ICA1L: variants seen among roughly 807,000 people sequenced by gnomAD.
ICA1L encodes the protein islet cell autoantigen 1-like protein.
In ICA1L, 50 loss-of-function variants were observed where a neutral mutation model predicts 61.3. The observed-to-expected ratio is 0.82, with a 90% CI of 0.65 to 1.03. The LOEUF (loss-of-function observed/expected upper bound fraction) is 1.03, where lower values mean the gene tolerates loss of function less well. Ranked by LOEUF, ICA1L falls within the 50% of genes least tolerant of loss-of-function variation. ICA1L has a pLI of 0.00. For synonymous variants in ICA1L, 161 were observed against 191.3 expected (o/e 0.84, Z 1.31); for missense variants, 508 against 556.7 (o/e 0.91, Z 0.88).
intron 10 of ICA1L, among the ~76,000 whole-genome samples, chr2:202,794,899 GT>G (rs1298492039): frequency 1.5e-4 from 22 of 151,536 alleles, no homozygotes; most frequent in African/African-American, 5.3e-4. Flanking sequence ...CAACCTGTCA[GT>G]TTTCACATTT....
chr2:202,801,058 T>G (rs1258878238), intron 9 of ICA1L, among the ~76,000 whole-genome samples: 1 of 152,170 alleles, frequency 6.6e-6, no homozygotes, highest in Non-Finnish European at 1.5e-5. Flanking sequence ...TGGAAAAGAT[T>G]TCAGAGGTGG....
chr2:202,863,209 T>G (rs929526777), intron 1 of ICA1L, among the ~76,000 whole-genome samples: 1 of 151,338 alleles, frequency 6.6e-6, no homozygotes, highest in Non-Finnish European at 1.5e-5. Context: ...GGAGAATCAG[T>G]TGAACCCGGG....
At chr2:202,802,128 A>G (rs1374833171) in intron 9 of ICA1L, among the ~76,000 whole-genome samples, 1 of 152,230 alleles carries the variant, frequency 6.6e-6, no homozygotes, top group East Asian at 1.9e-4. Flanking sequence ...GCAAATTAAT[A>G]AAACAACAAA....
chr2:202,786,752 AT>A (rs57934594), intron 11 of ICA1L: 14,418 of 407,912 alleles, frequency 0.035, 2 homozygotes, highest in East Asian at 0.089. Flanking sequence ...TACATGCATG[AT>A]TTTTTTTTTT....
At chr2:202,785,127 G>A (rs1692538358) in intron 12 of ICA1L, among the ~76,000 whole-genome samples, 2 of 151,598 alleles carry the variant, frequency 1.3e-5, no homozygotes, top group Non-Finnish European at 2.9e-5. Context: ...GCTGAGGCAG[G>A]AGAATCGCTT....
chr2:202,843,574 G>T (rs1694385167), intron 1 of ICA1L, among the ~76,000 whole-genome samples: 1 of 152,222 alleles, frequency 6.6e-6, no homozygotes, highest in South Asian at 2.1e-4. Flanking sequence ...ACAGAACTCA[G>T]GCCTGATGCA....
chr2:202,795,630 G>T (rs1232899015), intron 10 of ICA1L, among the ~76,000 whole-genome samples: 1 of 152,004 alleles, frequency 6.6e-6, no homozygotes, highest in Non-Finnish European at 1.5e-5. Flanking sequence ...TGTGGCACTG[G>T]TGCATGCACA....
At position 202,774,002 on chromosome 2, in the gene ICA1L, GTTTTA is replaced by G. The variant is rs1692135563; in HGVS notation, c.*5526_*5530del. ...TATATGGTACTAAGAAGAGTTGGCT[GTTTTA>G]TTTTTTTAAATTATGAACTAGCGCT... On this transcript the variant is annotated 3_prime_UTR_variant, in exon 13 of 13. Coordinates refer to ENST00000358299, the MANE Select transcript of ICA1L (RefSeq NM_001288622.3). The G allele has an allele frequency of 1.1e-6, 1 of 907,132 alleles. No homozygotes were observed. The highest frequency in any genetic ancestry group is 2.6e-5 in the Admixed American group (1 of 37,890). 56.2% of individuals were successfully genotyped at this position (907,132 alleles called of 1,614,324 possible). A position where few individuals can be genotyped will look rare whatever the true frequency, so the allele number is the denominator to read the frequency against.
intron 4 of ICA1L, 37 bp downstream of exon 4, chr2:202,821,321 G>T: frequency 6.3e-7 from 1 of 1,597,026 alleles, no homozygotes; most frequent in Non-Finnish European, 8.5e-7. Flanking sequence ...CTGTCAGATT[G>T]ACTACAGATT....
At chr2:202,856,669 T>A (rs1694778378) in intron 1 of ICA1L, among the ~76,000 whole-genome samples, 1 of 152,142 alleles carries the variant, frequency 6.6e-6, no homozygotes, top group South Asian at 2.1e-4. Context: ...GGTATTCAAA[T>A]AGGAAGAGAG....
intron 1 of ICA1L, among the ~76,000 whole-genome samples, chr2:202,862,206 A>C (rs937276338): frequency 1.4e-5 from 2 of 144,678 alleles, no homozygotes; most frequent in African/African-American, 5.1e-5. Context: ...CAGGAGGGTG[A>C]AGCAGGATTG....
At chr2:202,838,806 C>T (rs1002286779) in intron 1 of ICA1L, among the ~76,000 whole-genome samples, 7 of 152,126 alleles carry the variant, frequency 4.6e-5, no homozygotes, top group African/African-American at 1.4e-4. Context: ...ACAGGAAGTA[C>T]GGTGCTAGCA....
chr2:202,854,875 A>C (rs1574382504), intron 1 of ICA1L, among the ~76,000 whole-genome samples: 2 of 152,230 alleles, frequency 1.3e-5, no homozygotes, highest in South Asian at 2.1e-4. Context: ...AAAATAAAAA[A>C]ATTAGCTGGG....
intron 1 of ICA1L, chr2:202,871,317 CCTT>C (rs1198712800): frequency 2.0e-5 from 3 of 152,180 alleles, no homozygotes. Flanking sequence ...CGGGAGGCGC[CCTT>C]CCGCCGCAGG....
At chr2:202,801,920 C>T (rs1693095331) in intron 9 of ICA1L, among the ~76,000 whole-genome samples, 1 of 152,176 alleles carries the variant, frequency 6.6e-6, no homozygotes. Flanking sequence ...TTATCTAGGC[C>T]TCTAGGAGTC....
chr2:202,821,523 C>T lies in ICA1L; in HGVS notation c.236-42G>A, dbSNP rs761596441. The T allele has an allele frequency of 4.1e-6, 6 of 1,458,566 alleles. No homozygotes were observed. In the Admixed American group the frequency reaches 1.1e-4, roughly 28 times the overall value. The allele number at this position is 1,458,566 out of a possible 1,614,324, so 90.4% of individuals were successfully genotyped here. The stretch of plus-strand genomic sequence containing the variant: ...AGTGTAGTTAATTGTTTCCTTTCAT[C>T]ATTTGTTTAAAACATACACACAACT... On this transcript the variant is annotated intron_variant, in intron 3 of 12. Transcript: ENST00000358299.
intron 1 of ICA1L, among the ~76,000 whole-genome samples, chr2:202,850,779 A>C (rs1317416405): frequency 2.6e-5 from 4 of 152,180 alleles, no homozygotes; most frequent in Non-Finnish European, 4.4e-5. Context: ...AATTCAGGAA[A>C]TACAGAGAAC....
chr2:202,786,035 A>T (rs572904058), intron 11 of ICA1L, 28 bp from the exon 12 acceptor site: 1 of 1,299,518 alleles, frequency 7.7e-7, no homozygotes, highest in Non-Finnish European at 1.1e-6. Context: ...AAAATTGTCC[A>T]TTGTTAATCA....
chr2:202,811,802 C>CA lies in ICA1L; in HGVS notation c.867-14dup, dbSNP rs201297577. The stretch of plus-strand genomic sequence containing the variant: ...AGACAAAACTAGCCTGAAGTAAAAA[C>CA]AAAAAAAAATGTAGATTTTTTGTTA... On this transcript the variant is annotated splice_polypyrimidine_tract_variant and intron_variant, in intron 8 of 12. Coordinates refer to ENST00000358299, the MANE Select transcript of ICA1L (RefSeq NM_001288622.3). The CA allele has an allele frequency of 5.6e-4, 863 of 1,553,202 alleles. No individual in the cohort carries two copies. Among genetic ancestry groups the CA allele is most frequent in the Middle Eastern group, 1.0e-3 (6 of 5,864 alleles).
Sources: allele counts gnomAD v4.1 joint callset (sites outside exome capture counted in the v4.1 genomes callset), GRCh38; gene constraint gnomAD v4.1.1; transcripts MANE v1.5; gene names NCBI Gene and HGNC (gene_info 2026-07-23, HGNC 2026-07-21).